SPATA17: variants seen among roughly 807,000 people sequenced by gnomAD.
SPATA17 encodes the protein spermatogenesis associated 17.
A neutral mutation model predicts 62.2 loss-of-function variants in SPATA17; 53 were observed. That is an observed-to-expected ratio of 0.85 (90% CI 0.68 to 1.07). The LOEUF (loss-of-function observed/expected upper bound fraction) is 1.07. SPATA17 is among the 50% of genes least tolerant of loss of function. The pLI is 0.00. For synonymous variants in SPATA17, 146 were observed against 146.8 expected (o/e 0.99, Z 0.04); for missense variants, 466 against 425.5 (o/e 1.10, Z -0.84).
chr1:217,742,363 G>A (rs1672643375), intron 6 of SPATA17, among the ~76,000 whole-genome samples: 1 of 152,172 alleles, frequency 6.6e-6, no homozygotes, highest in South Asian at 2.1e-4. Context: ...ACAACTCGAA[G>A]GGCATAACCT....
intron 4 of SPATA17, among the ~76,000 whole-genome samples, chr1:217,681,844 C>A (rs964011040): frequency 6.6e-6 from 1 of 151,502 alleles, no homozygotes; most frequent in Non-Finnish European, 1.5e-5. Context: ...AAATTTTATA[C>A]TAAATATTTT....
intron 3 of SPATA17, 120 bp downstream of exon 3, chr1:217,651,298 A>T: frequency 1.4e-6 from 1 of 705,622 alleles, no homozygotes; most frequent in East Asian, 3.0e-5. Context: ...ATGTAAGGAC[A>T]AAATTGGGCT....
In SPATA17 at chr1:217,651,122, A is replaced by G; in HGVS notation, c.184A>G (p.Ile62Val). Residue 62 changes from isoleucine to valine, a missense_variant, in exon 3 of 11, where the codon ATT (isoleucine) becomes GTT (valine). Ile to Val is a conservative substitution (Grantham distance 29, BLOSUM62 3). Transcript: ENST00000366933. The part of the protein sequence containing the change: ...IRHLNRIVTI[I>V]QKWWRSFLGR... Reference sequence around the variant, plus strand: ...GCATTTAAACAGGATTGTAACAATTATTCAAAAATGGTGGAGAAGTTTCTT... The same window carrying G: ...GCATTTAAACAGGATTGTAACAATTGTTCAAAAATGGTGGAGAAGTTTCTT... 6.2e-7 allele frequency: 1 copy of G among 1,609,346 alleles called. No homozygotes were observed. Among genetic ancestry groups the G allele is most frequent in the Non-Finnish European group, 8.5e-7 (1 of 1,178,720 alleles).
Position 217,822,350 on chromosome 1 carries a change from G to A in SPATA17, c.1005+20500G>A, listed in dbSNP as rs183747141. On this transcript the variant is annotated intron_variant, in intron 9 of 10. Transcript: ENST00000366933. ...CTTTTTAGACATTTATTGACCACTT[G>A]CTCTTTTCTAAAAGACATGTTTTTT... is the stretch of plus-strand genomic sequence containing the variant. 2.6e-5 allele frequency among the ~76,000 whole-genome samples: 4 copies of A among 151,154 alleles called. No homozygotes were observed. The Admixed American group carries it at 2.7e-4, about 10-fold the overall frequency.
intron 9 of SPATA17, among the ~76,000 whole-genome samples, chr1:217,824,458 C>A (rs1366679346): frequency 6.6e-6 from 1 of 151,054 alleles, no homozygotes. Flanking sequence ...AAGAACAGTT[C>A]TATTCTTCCA....
intron 9 of SPATA17, among the ~76,000 whole-genome samples, chr1:217,805,523 TC>T (rs1203896891): frequency 6.3e-4 from 96 of 152,306 alleles, no homozygotes; most frequent in African/African-American, 2.3e-3. Flanking sequence ...TCAGCATAGA[TC>T]TTAAATGTTC....
chr1:217,708,701 A>C (rs1671792441), intron 5 of SPATA17, among the ~76,000 whole-genome samples: 1 of 152,182 alleles, frequency 6.6e-6, no homozygotes, highest in African/African-American at 2.4e-5. Context: ...TCATCTTGAT[A>C]CCTAAACCTG....
At chr1:217,685,046 G>A (rs1307288755) in intron 5 of SPATA17, among the ~76,000 whole-genome samples, 1 of 118,798 alleles carries the variant, frequency 8.4e-6, no homozygotes, top group Non-Finnish European at 1.8e-5. Context: ...TTCTTGAAAC[G>A]TATAAAATTC....
rs867477748 is a variant in SPATA17, at chr1:217,761,151, T to G, written c.520-13183T>G. 1.1e-4 allele frequency among the ~76,000 whole-genome samples: 17 copies of G among 152,324 alleles called. 1 individual carries two copies. The highest frequency in any genetic ancestry group is 6.8e-3 in the Middle Eastern group (2 of 294). On this transcript the variant is annotated intron_variant, in intron 6 of 10. Transcript: ENST00000366933. ...AAACATGTGGGACCTCTCTGAGATC[T>G]GCACACTGCTCATCACACTTCAGTT...
chr1:217,716,401 G>A (rs1182561425), intron 5 of SPATA17, among the ~76,000 whole-genome samples: 1 of 152,092 alleles, frequency 6.6e-6, no homozygotes, highest in African/African-American at 2.4e-5. Flanking sequence ...CCCTCCTTTT[G>A]CAATCACATA....
intron 5 of SPATA17, among the ~76,000 whole-genome samples, chr1:217,731,498 C>T (rs535372299): frequency 4.5e-4 from 69 of 152,294 alleles, no homozygotes; most frequent in African/African-American, 1.5e-3. Flanking sequence ...AAATTCTTCT[C>T]TTTATTGGTG....
intron 5 of SPATA17, among the ~76,000 whole-genome samples, chr1:217,686,808 C>T (rs1671227352): frequency 6.6e-6 from 1 of 152,188 alleles, no homozygotes. Flanking sequence ...CAACCTCTGC[C>T]TCCTGGGTTC....
chr1:217,637,594 C>G (rs1050277206), intron 1 of SPATA17, among the ~76,000 whole-genome samples: 5 of 152,152 alleles, frequency 3.3e-5, no homozygotes, highest in African/African-American at 1.2e-4. Context: ...TTGTTTCTGA[C>G]TCTGACATAG....
intron 6 of SPATA17, among the ~76,000 whole-genome samples, chr1:217,770,597 C>T (rs2102969404): frequency 6.6e-6 from 1 of 152,132 alleles, no homozygotes; most frequent in East Asian, 1.9e-4. Flanking sequence ...TTCCCCCAGG[C>T]AATTACAAAG....
At chr1:217,750,399 T>C (rs1672877775) in intron 6 of SPATA17, among the ~76,000 whole-genome samples, 1 of 152,044 alleles carries the variant, frequency 6.6e-6, no homozygotes, top group African/African-American at 2.4e-5. Context: ...AATGCATTCA[T>C]GGAATGTCTG....
At chr1:217,755,403 T>C (rs1673017369) in intron 6 of SPATA17, among the ~76,000 whole-genome samples, 1 of 152,058 alleles carries the variant, frequency 6.6e-6, no homozygotes, top group African/African-American at 2.4e-5. Flanking sequence ...AGAATCTTTC[T>C]TTAAATTTTA....
chr1:217,762,220 A>AT (rs1422321536), intron 6 of SPATA17, among the ~76,000 whole-genome samples: 1 of 152,068 alleles, frequency 6.6e-6, no homozygotes, highest in African/African-American at 2.4e-5. Flanking sequence ...ACCTTTAGCT[A>AT]TTTTTATTTA....
At chr1:217,667,660 A>G (rs1380821094) in intron 3 of SPATA17, among the ~76,000 whole-genome samples, 1 of 151,920 alleles carries the variant, frequency 6.6e-6, no homozygotes, top group Non-Finnish European at 1.5e-5. Context: ...CAATGATATG[A>G]TAAAGACAAG....
At chr1:217,734,369 A>G (rs1672463843) in intron 5 of SPATA17, among the ~76,000 whole-genome samples, 1 of 152,092 alleles carries the variant, frequency 6.6e-6, no homozygotes, top group South Asian at 2.1e-4. Flanking sequence ...TGACTATTTT[A>G]ATTTGTTTAA....
Sources: allele counts gnomAD v4.1 joint callset (sites outside exome capture counted in the v4.1 genomes callset), GRCh38; gene constraint gnomAD v4.1.1; transcripts MANE v1.5; gene names NCBI Gene and HGNC (gene_info 2026-07-23, HGNC 2026-07-21).